Variants in PRKCB observed in about 807,000 individuals in gnomAD.
The protein encoded by PRKCB is protein kinase C beta type.
PRKCB carries 13 observed loss-of-function variants against 81.5 expected under a neutral mutation model. The ratio of observed to expected loss-of-function variants is 0.16; its 90% CI spans 0.10 to 0.25. The LOEUF (loss-of-function observed/expected upper bound fraction) is 0.25, where lower values mean the gene tolerates loss of function less well. Among genes scored for constraint, PRKCB ranks in the 10% least tolerant of loss-of-function variants. The pLI is 1.00. For synonymous variants in PRKCB, 335 were observed against 321.4 expected (o/e 1.04, Z -0.45); for missense variants, 509 against 875.7 (o/e 0.58, Z 5.29).
chr16:24,058,515 G>A (rs11644387), intron 5 of PRKCB, among the ~76,000 whole-genome samples: 47,666 of 151,908 alleles, frequency 0.31, 8,918 homozygotes, highest in African/African-American at 0.52. Context: ...TTCATGCCCT[G>A]TGAAGGTGCC....
At chr16:24,058,757 G>A (rs1224280813) in intron 5 of PRKCB, among the ~76,000 whole-genome samples, 1 of 152,202 alleles carries the variant, frequency 6.6e-6, no homozygotes, top group African/African-American at 2.4e-5. Flanking sequence ...AGAAGAGCTT[G>A]CTCAAGCATG....
Position 23,882,625 on chromosome 16 carries a change from T to TTAA in PRKCB, c.205+45222_205+45224dup, listed in dbSNP as rs575380658. On this transcript the variant is annotated intron_variant, in intron 2 of 16. Transcript: ENST00000643927. ...GAATTTTCTTCCTCTTTAAGGTTGA[T>TTAA]TAATATTCCATTGTATGAATAGGCA... Among the ~76,000 whole-genome samples, 17 of 152,380 alleles carry TTAA rather than the reference T, an allele frequency of 1.1e-4. 1 individual carries two copies. Among genetic ancestry groups the TTAA allele is most frequent in the Middle Eastern group, 3.4e-3 (1 of 294 alleles).
intron 8 of PRKCB, among the ~76,000 whole-genome samples, chr16:24,115,716 A>ATTTTG (rs913491749): frequency 2.6e-5 from 4 of 151,618 alleles, no homozygotes; most frequent in South Asian, 2.1e-4. Context: ...TATCCCAAGG[A>ATTTTG]TTTTGTTTTG....
intron 16 of PRKCB, among the ~76,000 whole-genome samples, chr16:24,198,619 G>A (rs548351391): frequency 5.9e-5 from 9 of 152,308 alleles, no homozygotes; most frequent in East Asian, 3.9e-4. Context: ...GGTTACAGGC[G>A]TGAGCCACTG....
chr16:23,961,464 G>C (rs1306267397), intron 2 of PRKCB, among the ~76,000 whole-genome samples: 3 of 152,122 alleles, frequency 2.0e-5, no homozygotes, highest in Non-Finnish European at 4.4e-5. Context: ...TGACTAATGA[G>C]GCAACAACAA....
intron 16 of PRKCB, among the ~76,000 whole-genome samples, chr16:24,196,795 T>G (rs1462876590): frequency 6.6e-6 from 1 of 152,198 alleles, no homozygotes; most frequent in East Asian, 1.9e-4. Context: ...TGTGAGTTGA[T>G]TGGCAGAACC....
At chr16:24,029,083 GC>G in intron 3 of PRKCB, among the ~76,000 whole-genome samples, 2 of 152,338 alleles carry the variant, frequency 1.3e-5, no homozygotes, top group South Asian at 4.1e-4. Flanking sequence ...GAGCCACTGT[GC>G]CCGGCCTGGA....
intron 3 of PRKCB, among the ~76,000 whole-genome samples, chr16:24,007,670 C>T (rs756927080): frequency 1.2e-4 from 19 of 152,302 alleles, no homozygotes; most frequent in Non-Finnish European, 2.4e-4. Flanking sequence ...CACAGAGAGG[C>T]GAGCTGCTGG....
intron 10 of PRKCB, among the ~76,000 whole-genome samples, chr16:24,168,352 G>A (rs1007321666): frequency 1.3e-5 from 2 of 151,956 alleles, no homozygotes; most frequent in Non-Finnish European, 1.5e-5. Flanking sequence ...CTCTTCTCCC[G>A]GTTTTATAGC....
intron 2 of PRKCB, among the ~76,000 whole-genome samples, chr16:23,975,109 A>G (rs1349202142): frequency 6.6e-6 from 1 of 152,156 alleles, no homozygotes; most frequent in African/African-American, 2.4e-5. Flanking sequence ...GCCAACAGAC[A>G]CTTTTTGTAG....
At chr16:24,159,804 G>C (rs1404759935) in intron 10 of PRKCB, among the ~76,000 whole-genome samples, 1 of 151,880 alleles carries the variant, frequency 6.6e-6, no homozygotes, top group Non-Finnish European at 1.5e-5. Context: ...GACCATCCTG[G>C]GCAACATGGC....
Position 24,186,385 on chromosome 16 carries a change from A to G in PRKCB, c.1722+818A>G, listed in dbSNP as rs1451718465. Among the ~76,000 whole-genome samples the G allele has an allele frequency of 2.0e-5, 3 of 152,324 alleles. No homozygotes were observed. In the East Asian group the frequency reaches 5.8e-4, roughly 29 times the overall value. On this transcript the variant is annotated intron_variant, in intron 15 of 16. Coordinates refer to ENST00000643927, the MANE Select transcript of PRKCB (RefSeq NM_002738.7). ...AAAGTCTCCATTTGGCTTGCAGACC[A>G]CTGCCTTTAAAAATACTGTCCAAAT...
At chr16:24,029,771 C>G (rs1177949479) in intron 3 of PRKCB, among the ~76,000 whole-genome samples, 1 of 152,114 alleles carries the variant, frequency 6.6e-6, no homozygotes, top group East Asian at 1.9e-4. Flanking sequence ...GTGGCAGCAT[C>G]AATAAATACA....
At chr16:24,139,225 T>C (rs538069036) in intron 9 of PRKCB, among the ~76,000 whole-genome samples, 1 of 152,236 alleles carries the variant, frequency 6.6e-6, no homozygotes, top group East Asian at 1.9e-4. Context: ...CATGAACATT[T>C]ATTTCAGCTC....
At chr16:23,888,946 G>T (rs763085388) in intron 2 of PRKCB, among the ~76,000 whole-genome samples, 1 of 152,190 alleles carries the variant, frequency 6.6e-6, no homozygotes, top group Non-Finnish European at 1.5e-5. Context: ...TGGCTAAGAT[G>T]GGGGGAGTAT....
chr16:23,921,925 A>G (rs1224879544), intron 2 of PRKCB, among the ~76,000 whole-genome samples: 3 of 152,198 alleles, frequency 2.0e-5, no homozygotes, highest in African/African-American at 7.2e-5. Flanking sequence ...TTTGAGTTGA[A>G]TCTTATAGGC....
chr16:23,864,269 T>G (rs890509214), intron 2 of PRKCB, among the ~76,000 whole-genome samples: 2 of 152,192 alleles, frequency 1.3e-5, no homozygotes, highest in African/African-American at 2.4e-5. Context: ...GCTGTATTGC[T>G]AGAAGTATCC....
intron 3 of PRKCB, among the ~76,000 whole-genome samples, chr16:24,031,778 G>A (rs1965553814): frequency 6.6e-6 from 1 of 152,146 alleles, no homozygotes; most frequent in Non-Finnish European, 1.5e-5. Flanking sequence ...GAAAAGTCAG[G>A]AGCCCTGTTT....
chr16:23,883,552 C>T (rs2141110928), intron 2 of PRKCB, among the ~76,000 whole-genome samples: 1 of 152,056 alleles, frequency 6.6e-6, no homozygotes. Flanking sequence ...CCATTGGCTG[C>T]CAAGTAGAGA....
Sources: allele counts gnomAD v4.1 joint callset (sites outside exome capture counted in the v4.1 genomes callset), GRCh38; gene constraint gnomAD v4.1.1; transcripts MANE v1.5; gene names NCBI Gene and HGNC (gene_info 2026-07-23, HGNC 2026-07-21).